Variants in CALD1 observed in about 807,000 individuals in gnomAD.
CALD1 encodes the protein caldesmon 1, also known as caldesmon.
CALD1 carries 33 observed loss-of-function variants against 99.9 expected under a neutral mutation model. That is an observed-to-expected ratio of 0.33 (90% confidence interval 0.25 to 0.44). The LOEUF (loss-of-function observed/expected upper bound fraction) is 0.44, where lower values mean the gene tolerates loss of function less well. CALD1 is among the 20% of genes least tolerant of loss of function. The probability of loss-of-function intolerance (pLI) is 1.00; values close to 1 mark genes in which losing one functional copy is unlikely to be tolerated. For synonymous variants in CALD1, 310 were observed against 325.0 expected (o/e 0.95, Z 0.50); for missense variants, 861 against 962.1 (o/e 0.89, Z 1.39).
intron 3 of CALD1, among the ~76,000 whole-genome samples, chr7:134,910,642 T>C (rs1332983393): frequency 6.6e-6 from 1 of 151,888 alleles, no homozygotes; most frequent in African/African-American, 2.4e-5. Context: ...TGATGGCACA[T>C]GCACACACGT....
At chr7:134,732,711 A>G in the CALD1 span, among the ~76,000 whole-genome samples, 1 of 152,224 alleles carries the variant, frequency 6.6e-6, no homozygotes, top group Non-Finnish European at 1.5e-5. Flanking sequence ...GACACTTCCA[A>G]TTTTATTTCT....
chr7:134,880,271 A>C (rs1223022594), intron 3 of CALD1, among the ~76,000 whole-genome samples: 1 of 152,246 alleles, frequency 6.6e-6, no homozygotes, highest in African/African-American at 2.4e-5. Context: ...GTAATGAAAG[A>C]GTCCTTTATT....
At chr7:134,750,720 T>C (rs542240899) in intron 1 of CALD1, among the ~76,000 whole-genome samples, 1 of 152,026 alleles carries the variant, frequency 6.6e-6, no homozygotes, top group South Asian at 2.1e-4. Flanking sequence ...ATAAAATATA[T>C]ATTCAATTAC....
intron 3 of CALD1, among the ~76,000 whole-genome samples, chr7:134,886,674 C>A (rs539003347): frequency 1.3e-5 from 2 of 152,268 alleles, no homozygotes; most frequent in African/African-American, 4.8e-5. Context: ...ATACCTGTGG[C>A]CCTCCTAGAG....
intron 3 of CALD1, among the ~76,000 whole-genome samples, chr7:134,916,071 T>G (rs888304776): frequency 4.6e-5 from 7 of 152,212 alleles, no homozygotes; most frequent in African/African-American, 1.7e-4. Context: ...CATTTCCCAT[T>G]TCCTGTCTCC....
rs144707985 is a variant in CALD1, at chr7:134,793,343, CTT to C, written c.-130+13595_-130+13596del. Among the ~76,000 whole-genome samples, 898 of 152,322 alleles carry C rather than the reference CTT, an allele frequency of 5.9e-3. 11 individuals carry two copies. The highest frequency in any genetic ancestry group is 0.02 in the African/African-American group (841 of 41,552). ...TATTTGCGCTCTGAATCATTTGTCTCTTGTCTTTATTTTCCTCTCTCTCCTCT... is the reference window on the plus strand; with the variant it reads ...TATTTGCGCTCTGAATCATTTGTCTCGTCTTTATTTTCCTCTCTCTCCTCT... On this transcript the variant is annotated intron_variant, in intron 1 of 14. Transcript: ENST00000361675.
At chr7:134,958,010 G>A (rs987765270) in intron 9 of CALD1, 59 bp from the exon 10 acceptor site, 21 of 1,305,800 alleles carry the variant, frequency 1.6e-5, no homozygotes. Flanking sequence ...CCTGGGCTGA[G>A]AAACACTGTT....
intron 1 of CALD1, among the ~76,000 whole-genome samples, chr7:134,750,872 G>A (rs1280216498): frequency 6.6e-6 from 1 of 151,964 alleles, no homozygotes; most frequent in Non-Finnish European, 1.5e-5. Context: ...TCTCCACAGT[G>A]TTTCTGTTTT....
chr7:134,748,346 T>G (rs1796653799), intron 1 of CALD1, among the ~76,000 whole-genome samples: 2 of 152,252 alleles, frequency 1.3e-5, no homozygotes, highest in Admixed American at 6.5e-5. Context: ...GACTTCAGAC[T>G]TTTAAATTGA....
At chr7:134,819,307 A>T (rs1200093801) in intron 1 of CALD1, among the ~76,000 whole-genome samples, 1 of 152,134 alleles carries the variant, frequency 6.6e-6, no homozygotes, top group East Asian at 1.9e-4. Context: ...AGGAAAGCTT[A>T]ACAGACTCAA....
chr7:134,897,943 A>G (rs1225516637), intron 3 of CALD1, among the ~76,000 whole-genome samples: 6 of 151,934 alleles, frequency 3.9e-5, no homozygotes, highest in Non-Finnish European at 8.8e-5. Flanking sequence ...TCCTGGGCTC[A>G]AGCAGTCCTC....
chr7:134,814,625 A>G (rs570846839), intron 1 of CALD1, among the ~76,000 whole-genome samples: 1 of 152,272 alleles, frequency 6.6e-6, no homozygotes, highest in African/African-American at 2.4e-5. Flanking sequence ...GACCACCTTC[A>G]TTCCTCTAAC....
chr7:134,809,290 G>A (rs1467115698), intron 1 of CALD1, among the ~76,000 whole-genome samples: 1 of 151,878 alleles, frequency 6.6e-6, no homozygotes, highest in Non-Finnish European at 1.5e-5. Flanking sequence ...TAGTATTTTG[G>A]GCAGCTGAAG....
intron 6 of CALD1, among the ~76,000 whole-genome samples, chr7:134,940,117 A>T (rs1350942544): frequency 6.6e-6 from 1 of 152,188 alleles, no homozygotes; most frequent in Non-Finnish European, 1.5e-5. Flanking sequence ...GGATTTCTTT[A>T]GAATGCTCAT....
intron 3 of CALD1, among the ~76,000 whole-genome samples, chr7:134,892,821 G>A (rs892810109): frequency 4.6e-5 from 7 of 152,090 alleles, no homozygotes; most frequent in Middle Eastern, 3.2e-3. Flanking sequence ...CCTCATCCTC[G>A]CTCTACTCTG....
chr7:134,887,632 G>A (rs1801922520), intron 3 of CALD1, among the ~76,000 whole-genome samples: 1 of 151,646 alleles, frequency 6.6e-6, no homozygotes. Flanking sequence ...GTGTGCCTGT[G>A]TGTACATGCA....
chr7:134,963,170 TC>T (rs1808407883), intron 13 of CALD1, among the ~76,000 whole-genome samples: 1 of 152,222 alleles, frequency 6.6e-6, no homozygotes, highest in Non-Finnish European at 1.5e-5. Context: ...AGAGCTTCCC[TC>T]AGCATGTTCC....
Position 134,933,210 on chromosome 7 carries a change from C to G in CALD1, c.441C>G (p.Thr147=). The change falls in exon 5 of 15, where the codon ACC becomes ACG. Residue 147 remains threonine (T), a synonymous_variant. Transcript: ENST00000361675. ...ATGACACAGCAGAAAATGAAACTAC[C>G]GAGAAGGAAGAAAAAAGTGAAAGTC... ...MQNDTAENET[T]EKEEKSESRQ... is the part of the protein sequence containing the mutation. The G allele has an allele frequency of 6.2e-7, 1 of 1,609,582 alleles. No individual in the cohort carries two copies. Among genetic ancestry groups the G allele is most frequent in the African/African-American group, 1.4e-5 (1 of 73,948 alleles).
intron 8 of CALD1, 198 bp downstream of exon 8, chr7:134,947,967 C>T (rs1807033771): frequency 7.0e-6 from 4 of 572,314 alleles, no homozygotes; most frequent in Non-Finnish European, 8.9e-6. Context: ...AGGTACTAAT[C>T]CCCATTTTAC....
Sources: gnomAD v4.1 joint callset for allele counts (sites outside exome capture counted in the v4.1 genomes callset) on GRCh38, gnomAD v4.1.1 for gene constraint, MANE v1.5 for transcripts, NCBI Gene and HGNC (gene_info 2026-07-23, HGNC 2026-07-21) for gene names.